The following ERG variants were observed in gnomAD, a reference collection of about 807,000 sequenced individuals.
The protein encoded by ERG is transcriptional regulator ERG.
ERG carries 9 observed loss-of-function variants against 55.3 expected under a neutral mutation model. The observed-to-expected ratio is 0.16, with a 90% CI of 0.10 to 0.28. The LOEUF is 0.28. ERG is among the 10% of genes least tolerant of loss of function. ERG has a pLI of 1.00. For synonymous variants in ERG, 223 were observed against 237.3 expected, an observed-to-expected ratio of 0.94 and a Z score of 0.55; for missense variants, 434 against 631.6, an observed-to-expected ratio of 0.69 and a Z score of 3.35.
chr21:38,605,517 G>A (rs1271854654), intron 1 of ERG, among the ~76,000 whole-genome samples: 3 of 152,136 alleles, frequency 2.0e-5, no homozygotes. Context: ...AAGAACAAGA[G>A]AAAGAAAACA....
intron 1 of ERG, among the ~76,000 whole-genome samples, chr21:38,635,801 C>G (rs2060384673): frequency 6.6e-6 from 1 of 152,154 alleles, no homozygotes; most frequent in Non-Finnish European, 1.5e-5. Context: ...CACCTATGTC[C>G]AAACATAGCT....
In ERG at chr21:38,449,029, C is replaced by A. The variant is rs552559131; in HGVS notation, c.19-3408G>T. ...TCTCACCTACCTACTTACCTGCCTG[C>A]CTACCTGCCGGCCAAGGTAGGCAGC... On this transcript the variant is annotated intron_variant, in intron 1 of 9. Coordinates refer to ENST00000288319, the MANE Select transcript of ERG (RefSeq NM_182918.4). 8 of 152,316 alleles carry A rather than the reference C, an allele frequency of 5.3e-5. No individual in the cohort carries two copies. The East Asian group carries it at 1.5e-3, about 29-fold the overall frequency. 9.4% of individuals were successfully genotyped at this position (152,316 alleles called of 1,614,324 possible).
At chr21:38,559,191 TC>T (rs895854226) in intron 2 of ERG, among the ~76,000 whole-genome samples, 43 of 152,136 alleles carry the variant, frequency 2.8e-4, no homozygotes, top group African/African-American at 9.9e-4. Flanking sequence ...CATAGGAGGA[TC>T]CTCCCAAAGT....
chr21:38,553,459 C>T (rs1259887798), intron 2 of ERG, among the ~76,000 whole-genome samples: 1 of 152,132 alleles, frequency 6.6e-6, no homozygotes, highest in African/African-American at 2.4e-5. Flanking sequence ...GTAACCAAGA[C>T]AGCATAGAAC....
intron 1 of ERG, chr21:38,471,335 A>C (rs1266302794): frequency 1.3e-5 from 2 of 152,102 alleles, no homozygotes; most frequent in Non-Finnish European, 2.9e-5. Context: ...TGGCAATCAG[A>C]GGGAGAGGGA....
chr21:38,368,651 C>T, the ERG span, among the ~76,000 whole-genome samples: 3 of 152,094 alleles, frequency 2.0e-5, no homozygotes, highest in Non-Finnish European at 4.4e-5. Flanking sequence ...GGTACAAGTG[C>T]AGGTTTATTA....
rs1297991879 is a variant in ERG, at chr21:38,381,641, G to C, written c.*1762C>G. 1 of 1,063,286 alleles carries C rather than the reference G, an allele frequency of 9.4e-7. No homozygotes were observed. The highest frequency in any genetic ancestry group is 5.1e-5 in the East Asian group (1 of 19,800). 65.9% of individuals were successfully genotyped at this position (1,063,286 alleles called of 1,614,324 possible). A position where few individuals can be genotyped will look rare whatever the true frequency, so the allele number is the denominator to read the frequency against. On this transcript the variant is annotated 3_prime_UTR_variant, in exon 10 of 10. Transcript: ENST00000288319. ...AATAATACAGTTTGCCTTACGAGTG[G>C]TAGCTTGTTCACTGTTCAACAAATG... is the stretch of plus-strand genomic sequence containing the variant.
chr21:38,370,925 A>C, the ERG span, among the ~76,000 whole-genome samples: 2 of 151,656 alleles, frequency 1.3e-5, no homozygotes, highest in African/African-American at 4.8e-5. Flanking sequence ...AATTTTAAAA[A>C]CAGCTTGTAA....
At chr21:38,630,699 G>C (rs1482809995) in intron 1 of ERG, among the ~76,000 whole-genome samples, 1 of 152,178 alleles carries the variant, frequency 6.6e-6, no homozygotes, top group Non-Finnish European at 1.5e-5. Flanking sequence ...TCCTGCATAA[G>C]TTGAAAATCA....
intron 1 of ERG, among the ~76,000 whole-genome samples, chr21:38,621,785 G>A (rs947560674): frequency 1.3e-5 from 2 of 152,138 alleles, no homozygotes; most frequent in Non-Finnish European, 1.5e-5. Flanking sequence ...TCAGCCCAAG[G>A]CAATATACAA....
chr21:38,531,705 C>G (rs1322199592), intron 2 of ERG, among the ~76,000 whole-genome samples: 1 of 152,098 alleles, frequency 6.6e-6, no homozygotes, highest in Non-Finnish European at 1.5e-5. Context: ...AATTTGAATT[C>G]AATTTAAAAA....
At chr21:38,453,754 T>C (rs1410398189) in intron 1 of ERG, among the ~76,000 whole-genome samples, 1 of 151,866 alleles carries the variant, frequency 6.6e-6, no homozygotes, top group East Asian at 1.9e-4. Flanking sequence ...TGTGGTGGTG[T>C]GCACCTGCAA....
At chr21:38,459,649 A>C (rs1304359326) in intron 1 of ERG, among the ~76,000 whole-genome samples, 2 of 152,192 alleles carry the variant, frequency 1.3e-5, no homozygotes, top group Non-Finnish European at 2.9e-5. Flanking sequence ...CTTTATTCAG[A>C]GGATTTAGAA....
chr21:38,533,415 G>C (rs556673666), intron 2 of ERG, among the ~76,000 whole-genome samples: 2 of 152,112 alleles, frequency 1.3e-5, no homozygotes, highest in Non-Finnish European at 2.9e-5. Flanking sequence ...CGTACATGCC[G>C]GGAAGGCCTG....
At chr21:38,632,637 T>C (rs544002022) in intron 1 of ERG, among the ~76,000 whole-genome samples, 3 of 152,360 alleles carry the variant, frequency 2.0e-5, no homozygotes, top group South Asian at 2.1e-4. Context: ...CCTGCTGCCA[T>C]GTAAGATGTG....
intron 2 of ERG, among the ~76,000 whole-genome samples, chr21:38,526,168 G>A (rs559879895): frequency 5.3e-5 from 8 of 152,196 alleles, no homozygotes; most frequent in East Asian, 1.9e-4. Flanking sequence ...TGTCCTTCTC[G>A]GGTATGGCTG....
intron 2 of ERG, among the ~76,000 whole-genome samples, chr21:38,431,100 G>A (rs1451066877): frequency 6.6e-6 from 1 of 152,208 alleles, no homozygotes; most frequent in Non-Finnish European, 1.5e-5. Flanking sequence ...AAAATCATGA[G>A]CACTGACTTC....
intron 1 of ERG, among the ~76,000 whole-genome samples, chr21:38,621,545 C>G (rs1460595495): frequency 6.6e-6 from 1 of 152,208 alleles, no homozygotes; most frequent in Non-Finnish European, 1.5e-5. Context: ...TTAGGCCCAG[C>G]TGAGTCCGAC....
intron 2 of ERG, among the ~76,000 whole-genome samples, chr21:38,424,436 C>G (rs976933889): frequency 6.6e-6 from 1 of 152,228 alleles, no homozygotes; most frequent in Non-Finnish European, 1.5e-5. Flanking sequence ...TGGCTAGATG[C>G]ACAGAACACG....
Sources: gnomAD v4.1 joint callset for allele counts (sites outside exome capture counted in the v4.1 genomes callset) on GRCh38, gnomAD v4.1.1 for gene constraint, MANE v1.5 for transcripts, NCBI Gene and HGNC (gene_info 2026-07-23, HGNC 2026-07-21) for gene names.